Variants in MGAT5B observed in about 807,000 individuals in gnomAD.
MGAT5B encodes the protein N-acetylglucosaminyl-transferase Vb.
MGAT5B carries 54 observed loss-of-function variants against 95.1 expected under a neutral mutation model. The observed-to-expected ratio is 0.57, with a 90% CI of 0.46 to 0.71. MGAT5B has a LOEUF of 0.71. Ranked by LOEUF, MGAT5B falls within the 30% of genes least tolerant of loss-of-function variation. MGAT5B has a pLI of 0.00. For synonymous variants in MGAT5B, 464 were observed against 451.0 expected, an observed-to-expected ratio of 1.03 and a Z score of -0.36; for missense variants, 935 against 1,088.6, an observed-to-expected ratio of 0.86 and a Z score of 1.99.
chr17:76,942,780 G>T (rs1228381573), intron 15 of MGAT5B, among the ~76,000 whole-genome samples: 1 of 152,148 alleles, frequency 6.6e-6, no homozygotes, highest in Non-Finnish European at 1.5e-5. Flanking sequence ...CGTACAGGTA[G>T]GCAAGGGGGC....
At chr17:76,895,042 CAAGT>C (rs1263527015) in intron 3 of MGAT5B, among the ~76,000 whole-genome samples, 1 of 152,108 alleles carries the variant, frequency 6.6e-6, no homozygotes, top group Non-Finnish European at 1.5e-5. Context: ...GGCAGGCAAG[CAAGT>C]GAGGCTTCGT....
At chr17:76,879,895 C>T (rs1486660220) in intron 2 of MGAT5B, among the ~76,000 whole-genome samples, 1 of 152,206 alleles carries the variant, frequency 6.6e-6, no homozygotes. Context: ...AAGTTATGAG[C>T]GATGGCTCAC....
chr17:76,932,529 C>A (rs1227819560), intron 10 of MGAT5B, 116 bp from the exon 11 acceptor site: 1 of 1,482,140 alleles, frequency 6.7e-7, no homozygotes, highest in Admixed American at 2.0e-5. Flanking sequence ...CCCTGTGCCC[C>A]GCCCCCTTTC....
intron 11 of MGAT5B, 51 bp downstream of exon 11, chr17:76,932,826 C>G: frequency 6.2e-7 from 1 of 1,600,350 alleles, no homozygotes; most frequent in Non-Finnish European, 8.5e-7. Flanking sequence ...GGCACAGGCC[C>G]CCGCCTGGGT....
rs1968924790 is a variant in MGAT5B, at chr17:76,916,098, C to T, written c.1026-8868C>T. On this transcript the variant is annotated intron_variant, in intron 8 of 17. Coordinates refer to ENST00000569840, the MANE Select transcript of MGAT5B (RefSeq NM_001199172.2). The surrounding 1 kb of genome is among the most constrained non-coding windows in gnomAD (Gnocchi z 5.3). The stretch of plus-strand genomic sequence containing the variant: ...GCTGGGGCCTGGGGCTGCCCTGGCC[C>T]CTGCCCTTCATCCTTCCTCGGGATC... 6.6e-6 allele frequency among the ~76,000 whole-genome samples: 1 copy of T among 152,198 alleles called. No individual in the cohort carries two copies. The highest frequency in any genetic ancestry group is 1.5e-5 in the Non-Finnish European group (1 of 68,026).
At chr17:76,902,725 TGC>T in intron 4 of MGAT5B, 55 bp downstream of exon 4, 1 of 894,090 alleles carries the variant, frequency 1.1e-6, no homozygotes, top group Non-Finnish European at 1.7e-6. Context: ...ATGAACTGGG[TGC>T]TGGGTGGGCC....
chr17:76,870,175 C>T lies in MGAT5B; in HGVS notation c.68+1078C>T, dbSNP rs1386927914. Among the ~76,000 whole-genome samples the T allele has an allele frequency of 8.5e-5, 13 of 152,192 alleles. No individual in the cohort carries two copies. The highest frequency in any genetic ancestry group is 2.0e-4 in the Admixed American group (3 of 15,286). On this transcript the variant is annotated intron_variant, in intron 1 of 17. Coordinates refer to ENST00000569840, the MANE Select transcript of MGAT5B (RefSeq NM_001199172.2). This position sits in a 1 kb window ranked among gnomAD's most constrained non-coding sequence, Gnocchi z 5.0. ...CCCAGCCCCACTGTGGTCCCCCTGC[C>T]GGCTCCAGACGGGGATGGGGGCGGG... is the stretch of plus-strand genomic sequence containing the variant.
At chr17:76,876,225 A>G (rs1363618412) in intron 2 of MGAT5B, among the ~76,000 whole-genome samples, 2 of 151,996 alleles carry the variant, frequency 1.3e-5, no homozygotes, top group Non-Finnish European at 2.9e-5. Context: ...CAGAAAACCT[A>G]GGAGGTACCA....
intron 3 of MGAT5B, among the ~76,000 whole-genome samples, chr17:76,885,809 C>A (rs568339749): frequency 7.9e-5 from 12 of 152,302 alleles, no homozygotes; most frequent in African/African-American, 4.8e-5. Context: ...ACTGCTGCCC[C>A]CTCCGCACCC....
Position 76,940,428 on chromosome 17 carries a change from C to T in MGAT5B, c.1611C>T (p.Tyr537=), listed in dbSNP as rs754790688. The change falls in exon 14 of 18, where the codon TAC becomes TAT. Residue 537 remains tyrosine (Y), a synonymous_variant. Coordinates refer to ENST00000569840, the MANE Select transcript of MGAT5B (RefSeq NM_001199172.2). This position sits in a 1 kb window ranked among gnomAD's most constrained non-coding sequence, Gnocchi z 4.3. ...AKLFIGFGFP[Y]EGPAPLEAIA... ...TCTTCATCGGGTTTGGCTTCCCCTA[C>T]GAGGGCCCCGCCCCCCTGGAGGCCA... 17 of 1,611,236 alleles carry T rather than the reference C, an allele frequency of 1.1e-5. No individual in the cohort carries two copies. The highest frequency in any genetic ancestry group is 1.6e-4 in the Middle Eastern group (1 of 6,070).
rs1464084889 is a variant in MGAT5B at position 76,949,070 on chromosome 17, C to T, written c.*232C>T. 6 of 597,214 alleles carry T rather than the reference C, an allele frequency of 1.0e-5. No individual in the cohort carries two copies. The allele number at this position is 597,214 out of a possible 1,614,324, so 37.0% of individuals were successfully genotyped here. ...AGGCTCCGGTTCTCTCCTGGGGACT[C>T]ACAGAAGCATCGTGGCCAAGCAGGT... On this transcript the variant is annotated 3_prime_UTR_variant, in exon 18 of 18. Transcript: ENST00000569840.
intron 1 of MGAT5B, 129 bp from the exon 2 acceptor site, chr17:76,872,722 C>A: frequency 6.4e-7 from 1 of 1,562,652 alleles, no homozygotes; most frequent in South Asian, 1.2e-5. Flanking sequence ...AGCCCCCATC[C>A]TTTCATTCTC....
chr17:76,948,954 A>T lies in MGAT5B; in HGVS notation c.*116A>T, dbSNP rs1396168741. 1 of 1,190,456 alleles carries T rather than the reference A, an allele frequency of 8.4e-7. No individual in the cohort carries two copies. Among genetic ancestry groups the T allele is most frequent in the African/African-American group, 1.5e-5 (1 of 65,640 alleles). 73.7% of individuals were successfully genotyped at this position (1,190,456 alleles called of 1,614,324 possible). A position where few individuals can be genotyped will look rare whatever the true frequency, so the allele number is the denominator to read the frequency against. On this transcript the variant is annotated 3_prime_UTR_variant, in exon 18 of 18. Coordinates refer to ENST00000569840, the MANE Select transcript of MGAT5B (RefSeq NM_001199172.2). ...CCTCCTCGCAACCCCCCCAGGCCGGAGCTTCCTTCCTTAGCCGGGAAGCTG... is the reference window on the plus strand; with the variant it reads ...CCTCCTCGCAACCCCCCCAGGCCGGTGCTTCCTTCCTTAGCCGGGAAGCTG...
chr17:76,871,694 G>T (rs1967018057), intron 1 of MGAT5B, among the ~76,000 whole-genome samples: 1 of 152,202 alleles, frequency 6.6e-6, no homozygotes, highest in South Asian at 2.1e-4. Context: ...GAGGGGCAAG[G>T]CCCGGAGGTC....
At chr17:76,928,562 G>A (rs971593053) in intron 10 of MGAT5B, among the ~76,000 whole-genome samples, 4 of 151,904 alleles carry the variant, frequency 2.6e-5, no homozygotes, top group East Asian at 3.9e-4. Context: ...AAAATTAGCC[G>A]GGTGTGGTCG....
chr17:76,934,703 AAG>A (rs1230497851), intron 12 of MGAT5B, among the ~76,000 whole-genome samples: 1 of 152,226 alleles, frequency 6.6e-6, no homozygotes, highest in Non-Finnish European at 1.5e-5. Flanking sequence ...GAAGTCTGGA[AAG>A]AGAAACGTTT....
rs565846152 is a variant in MGAT5B, at chr17:76,883,824, A to G, written c.329+1526A>G. 7.2e-5 allele frequency among the ~76,000 whole-genome samples: 11 copies of G among 152,350 alleles called. No individual in the cohort carries two copies. The South Asian group carries it at 2.3e-3, about 32-fold the overall frequency. On this transcript the variant is annotated intron_variant, in intron 3 of 17. Transcript: ENST00000569840. ...TTTCTAAAGTACGGAGTTGGGTGAA[A>G]CAGAAGAAAATGATGACCCACAGGA...
chr17:76,871,164 T>G (rs1336034903), intron 1 of MGAT5B, among the ~76,000 whole-genome samples: 1 of 152,182 alleles, frequency 6.6e-6, no homozygotes, highest in Non-Finnish European at 1.5e-5. Flanking sequence ...AAGTCCGTCC[T>G]TGTCCTCAGA....
At chr17:76,880,808 G>A (rs1462230566) in intron 2 of MGAT5B, among the ~76,000 whole-genome samples, 3 of 152,114 alleles carry the variant, frequency 2.0e-5, no homozygotes, top group East Asian at 1.9e-4. Context: ...TAATATTCTC[G>A]GCAGTGCAGC....
Sources: allele counts gnomAD v4.1 joint callset (sites outside exome capture counted in the v4.1 genomes callset), GRCh38; gene constraint gnomAD v4.1.1; non-coding constraint Gnocchi (gnomAD v3.1); transcripts MANE v1.5; gene names NCBI Gene and HGNC (gene_info 2026-07-23, HGNC 2026-07-21).